Variants in PAPPA observed in about 807,000 individuals in gnomAD.
The protein encoded by PAPPA is pappalysin 1.
Under a neutral mutation model 164.0 loss-of-function variants are expected in PAPPA, and 60 were observed. The ratio of observed to expected loss-of-function variants is 0.37; its 90% CI spans 0.30 to 0.45. PAPPA has a LOEUF of 0.45. Among genes scored for constraint, PAPPA ranks in the 20% least tolerant of loss-of-function variants. The pLI, the probability that PAPPA is intolerant of heterozygous loss-of-function variation, is 1.00. For synonymous variants in PAPPA, 875 were observed against 814.1 expected (o/e 1.07, Z -1.27); for missense variants, 1,782 against 2,087.3 (o/e 0.85, Z 2.85).
chr9:116,160,836 C>G (rs889975768), intron 1 of PAPPA, among the ~76,000 whole-genome samples: 14 of 152,212 alleles, frequency 9.2e-5, no homozygotes, highest in African/African-American at 3.1e-4. Context: ...TGAGAACCGA[C>G]TTGTAAGTTC....
chr9:116,162,723 C>T (rs1458689759), intron 1 of PAPPA, among the ~76,000 whole-genome samples: 3 of 152,126 alleles, frequency 2.0e-5, no homozygotes, highest in Non-Finnish European at 4.4e-5. Context: ...ACCCAGCAAA[C>T]GTTAACTCAT....
chr9:116,388,633 T>A (rs1846848237), intron 21 of PAPPA, among the ~76,000 whole-genome samples: 1 of 152,188 alleles, frequency 6.6e-6, no homozygotes, highest in Non-Finnish European at 1.5e-5. Context: ...ATATTTGAAT[T>A]AGATTCCTGT....
At chr9:116,201,763 G>A (rs970204822) in intron 2 of PAPPA, among the ~76,000 whole-genome samples, 1 of 152,188 alleles carries the variant, frequency 6.6e-6, no homozygotes, top group Admixed American at 6.5e-5. Context: ...GGAAGAAGGA[G>A]GATTTGAACG....
intron 11 of PAPPA, among the ~76,000 whole-genome samples, chr9:116,331,970 A>G (rs731148): frequency 0.15 from 22,909 of 151,882 alleles, 2,249 homozygotes; most frequent in Non-Finnish European, 0.22. Context: ...TTTGCTACAC[A>G]CTTTACTCTC....
chr9:116,338,357 T>C (rs1045942838), intron 13 of PAPPA, among the ~76,000 whole-genome samples: 2 of 152,094 alleles, frequency 1.3e-5, no homozygotes, highest in Admixed American at 6.5e-5. Flanking sequence ...AAGGCCAACT[T>C]TGGGGGGCAA....
At chr9:116,313,272 A>T (rs1564221185) in intron 10 of PAPPA, among the ~76,000 whole-genome samples, 1 of 152,062 alleles carries the variant, frequency 6.6e-6, no homozygotes, top group Non-Finnish European at 1.5e-5. Context: ...GCAGTCCAAA[A>T]AAGTTGTCCC....
chr9:116,285,163 C>CTTTT (rs1845318481), intron 9 of PAPPA, among the ~76,000 whole-genome samples: 7 of 98,638 alleles, frequency 7.1e-5, no homozygotes, highest in Non-Finnish European at 8.3e-5. Context: ...TTTTTCTTTT[C>CTTTT]TTTCTTTCTT....
At position 116,353,893 on chromosome 9, in the gene PAPPA, A is replaced by G. The variant is rs113890467; in HGVS notation, c.4347+100A>G. 10 of 797,572 alleles carry G rather than the reference A, an allele frequency of 1.3e-5. No homozygotes were observed. The African/African-American group carries it at 1.3e-4, about 10-fold the overall frequency. 49.4% of individuals were successfully genotyped at this position (797,572 alleles called of 1,614,324 possible). A position where few individuals can be genotyped will look rare whatever the true frequency, so the allele number is the denominator to read the frequency against. On this transcript the variant is annotated intron_variant, in intron 17 of 21. Transcript: ENST00000328252. ...AGGAACCACTTTCTGCACTTTTGTA[A>G]TCTCTGATCCTCATTTTCCTACCCG...
rs75379605 is a variant in PAPPA, at chr9:116,275,438, C to T, written c.2953+4022C>T. Among the ~76,000 whole-genome samples the T allele has an allele frequency of 9.3e-3, 1,420 of 152,244 alleles. 8 individuals carry two copies. Among genetic ancestry groups the T allele is most frequent in the Non-Finnish European group, 0.014 (939 of 68,018 alleles). On this transcript the variant is annotated intron_variant, in intron 9 of 21. Transcript: ENST00000328252. ...TGAACTACGGGTCGTCTCTTGTTTC[C>T]GTATGTGAGATCTGAGGTCTCTTAT...
intron 2 of PAPPA, among the ~76,000 whole-genome samples, chr9:116,202,773 G>C (rs1374792863): frequency 6.6e-6 from 1 of 152,100 alleles, no homozygotes; most frequent in African/African-American, 2.4e-5. Flanking sequence ...TACACTTCCT[G>C]TGCTATCTGT....
At chr9:116,373,882 T>C (rs916201830) in intron 19 of PAPPA, among the ~76,000 whole-genome samples, 5 of 152,118 alleles carry the variant, frequency 3.3e-5, no homozygotes, top group Non-Finnish European at 7.3e-5. Flanking sequence ...AGTTTTCTCT[T>C]GTGTAAACCA....
intron 9 of PAPPA, among the ~76,000 whole-genome samples, chr9:116,274,492 G>T (rs1845174080): frequency 1.3e-5 from 2 of 152,248 alleles, no homozygotes; most frequent in African/African-American, 4.8e-5. Context: ...AGAGACAAGT[G>T]TGGGAGGCTG....
Position 116,285,180 on chromosome 9 carries a change from T to C in PAPPA, c.2953+13764T>C, listed in dbSNP as rs1390436804. On this transcript the variant is annotated intron_variant, in intron 9 of 21. Transcript: ENST00000328252. ...TTTCTTTTCTTTCTTTCTTTTTTTTTTTTTTTTTTTGACAGATTCTCACTT... is the reference window on the plus strand; with the variant it reads ...TTTCTTTTCTTTCTTTCTTTTTTTTCTTTTTTTTTTGACAGATTCTCACTT... Among the ~76,000 whole-genome samples the C allele has an allele frequency of 7.1e-5, 10 of 141,036 alleles. No individual in the cohort carries two copies. In the South Asian group the frequency reaches 1.9e-3, roughly 26 times the overall value. The allele number at this position is 141,036 out of a possible 152,430, so 92.5% of individuals were successfully genotyped here. A position where few individuals can be genotyped will look rare whatever the true frequency, so the allele number is the denominator to read the frequency against.
intron 17 of PAPPA, among the ~76,000 whole-genome samples, chr9:116,355,339 G>C (rs1846339000): frequency 6.6e-6 from 1 of 152,234 alleles, no homozygotes; most frequent in African/African-American, 2.4e-5. Context: ...AAGACTCAAA[G>C]AGGTTACTCA....
Position 116,390,423 on chromosome 9 carries a change from G to A in PAPPA, c.4777-6086G>A, listed in dbSNP as rs1432139092. Among the ~76,000 whole-genome samples the A allele has an allele frequency of 2.6e-5, 4 of 152,096 alleles. No individual in the cohort carries two copies. In the East Asian group the frequency reaches 7.7e-4, roughly 29 times the overall value. On this transcript the variant is annotated intron_variant, in intron 21 of 21. Transcript: ENST00000328252. Reference sequence around the variant, plus strand: ...CAGAGCATGGTGCAAGGGGAAAAGGGATAAAAGATAAGCCTAGATGGATAA... The same window carrying A: ...CAGAGCATGGTGCAAGGGGAAAAGGAATAAAAGATAAGCCTAGATGGATAA...
chr9:116,347,104 AT>A lies in PAPPA; in HGVS notation c.3860del (p.Ile1287ThrfsTer34). 6.2e-7 allele frequency: 1 copy of A among 1,614,174 alleles called. No individual in the cohort carries two copies. Among genetic ancestry groups the A allele is most frequent in the Non-Finnish European group, 8.5e-7 (1 of 1,180,004 alleles). On this transcript the variant is annotated frameshift_variant, in exon 15 of 22. Coordinates refer to ENST00000328252, the MANE Select transcript of PAPPA (RefSeq NM_002581.5). LOFTEE classifies it high-confidence loss of function. This position sits in a 1 kb window ranked among gnomAD's most constrained non-coding sequence, Gnocchi z 4.5. Reference protein sequence around the residue: ...QVACEPVDCSIPDHHQVYAAS... With the variant: ...QVACEPVDCSXPDHHQVYAAS... Reference sequence around the variant, plus strand: ...GGCCTGTGAGCCAGTCGACTGCAGCATCCCAGATCACCATCAAGTCTATGCT... The same window carrying A: ...GGCCTGTGAGCCAGTCGACTGCAGCACCCAGATCACCATCAAGTCTATGCT...
chr9:116,220,486 ATATAT>A (rs971187362), intron 5 of PAPPA, among the ~76,000 whole-genome samples: 9 of 148,376 alleles, frequency 6.1e-5, no homozygotes, highest in South Asian at 2.1e-4. Flanking sequence ...ATATTATATT[ATATAT>A]TATATTATAT....
intron 1 of PAPPA, among the ~76,000 whole-genome samples, chr9:116,186,118 G>A (rs1177162715): frequency 6.6e-6 from 1 of 151,892 alleles, no homozygotes; most frequent in East Asian, 1.9e-4. Flanking sequence ...ACAATGCCTG[G>A]CCTGCCATAG....
At chr9:116,270,941 A>G (rs1227381622) in intron 8 of PAPPA, among the ~76,000 whole-genome samples, 1 of 152,160 alleles carries the variant, frequency 6.6e-6, no homozygotes, top group Non-Finnish European at 1.5e-5. Context: ...TTTTCCTTCA[A>G]ATATGCTTTT....
Sources: allele counts gnomAD v4.1 joint callset (sites outside exome capture counted in the v4.1 genomes callset), GRCh38; gene constraint gnomAD v4.1.1; non-coding constraint Gnocchi (gnomAD v3.1); transcripts MANE v1.5; gene names NCBI Gene and HGNC (gene_info 2026-07-23, HGNC 2026-07-21).